Variants in SP140 observed in about 807,000 individuals in gnomAD.
SP140 encodes the protein SP140 nuclear body protein.
Under a neutral mutation model 125.0 loss-of-function variants are expected in SP140, and 81 were observed. That is an observed-to-expected ratio of 0.65 (90% CI 0.54 to 0.78). The LOEUF is 0.78. Among genes scored for constraint, SP140 ranks in the 30% least tolerant of loss-of-function variants. The probability of loss-of-function intolerance (pLI) is 0.00; values close to 1 mark genes in which losing one functional copy is unlikely to be tolerated. For missense variants in SP140, 858 were observed against 1,037.0 expected, an observed-to-expected ratio of 0.83 and a Z score of 2.37; for synonymous variants, 312 against 354.0, an observed-to-expected ratio of 0.88 and a Z score of 1.33.
chr2:230,217,727 C>G (rs2045377591), intron 3 of SP140, among the ~76,000 whole-genome samples: 1 of 152,176 alleles, frequency 6.6e-6, no homozygotes, highest in African/African-American at 2.4e-5. Flanking sequence ...TCCAGGCTTA[C>G]AGTGCTAACT....
intron 18 of SP140, among the ~76,000 whole-genome samples, chr2:230,289,881 G>A (rs1031097918): frequency 6.6e-6 from 1 of 152,094 alleles, no homozygotes; most frequent in African/African-American, 2.4e-5. Flanking sequence ...TCCCCCACCT[G>A]CAACCCCATA....
chr2:230,199,299 C>T (rs2043026394), upstream of SP140, among the ~76,000 whole-genome samples: 1 of 145,242 alleles, frequency 6.9e-6, no homozygotes, highest in East Asian at 2.1e-4. Flanking sequence ...ACCTCTGCCT[C>T]CTGGGTTCAA....
At chr2:230,272,519 C>T (rs1312018278) in intron 15 of SP140, among the ~76,000 whole-genome samples, 3 of 152,092 alleles carry the variant, frequency 2.0e-5, no homozygotes, top group African/African-American at 7.2e-5. Context: ...GGGGGAGTTT[C>T]CCTGCACAAG....
At chr2:230,212,692 T>A in intron 1 of SP140, 1 of 1,579,854 alleles carries the variant, frequency 6.3e-7, no homozygotes, top group Non-Finnish European at 8.7e-7. Flanking sequence ...GATGCTGGGA[T>A]TGGCGGCAAC....
chr2:230,206,219 G>A (rs1191901378), intron 1 of SP140, among the ~76,000 whole-genome samples: 3 of 152,028 alleles, frequency 2.0e-5, no homozygotes, highest in African/African-American at 2.4e-5. Context: ...GTCTACATAT[G>A]TTATCACCTC....
intron 15 of SP140, among the ~76,000 whole-genome samples, chr2:230,282,804 C>T (rs1165053698): frequency 2.0e-5 from 3 of 152,196 alleles, no homozygotes; most frequent in African/African-American, 7.2e-5. Context: ...GAAGTGTATA[C>T]AATTGTTGGG....
intron 12 of SP140, among the ~76,000 whole-genome samples, chr2:230,263,529 T>C (rs1575091643): frequency 6.6e-6 from 1 of 152,164 alleles, no homozygotes; most frequent in East Asian, 1.9e-4. Flanking sequence ...TTTGTTTTTA[T>C]TTTTTAACTT....
chr2:230,278,969 A>G (rs887544590), intron 15 of SP140, among the ~76,000 whole-genome samples: 1 of 152,162 alleles, frequency 6.6e-6, no homozygotes, highest in African/African-American at 2.4e-5. Flanking sequence ...AACTGTTGGA[A>G]CTAACAAATG....
At chr2:230,216,718 A>G (rs2045220813) in intron 3 of SP140, 1 of 1,597,968 alleles carries the variant, frequency 6.3e-7, no homozygotes, top group Non-Finnish European at 8.6e-7. Flanking sequence ...GTGGTTTGAG[A>G]CTTTAATAAT....
At chr2:230,274,043 TA>T (rs1300546254) in intron 15 of SP140, among the ~76,000 whole-genome samples, 3 of 151,324 alleles carry the variant, frequency 2.0e-5, no homozygotes, top group African/African-American at 7.3e-5. Context: ...ATAATCTGTA[TA>T]ACAAACACCC....
intron 22 of SP140, among the ~76,000 whole-genome samples, chr2:230,306,458 G>A (rs2058771307): frequency 6.6e-6 from 1 of 152,250 alleles, no homozygotes; most frequent in Non-Finnish European, 1.5e-5. Context: ...TCCCAAATTG[G>A]CAGGGCAGGA....
upstream of SP140, among the ~76,000 whole-genome samples, chr2:230,198,461 C>CGAGA (rs2042978583): frequency 6.6e-6 from 1 of 152,204 alleles, no homozygotes; most frequent in African/African-American, 2.4e-5. Context: ...TCCTCTTTCT[C>CGAGA]TGGTCTCCCT....
Position 230,310,024 on chromosome 2 carries a change from C to T in SP140, c.2159C>T (p.Pro720Leu), listed in dbSNP as rs2059186182. The T allele has an allele frequency of 1.2e-6, 2 of 1,614,158 alleles. No homozygotes were observed. Among genetic ancestry groups the T allele is most frequent in the Non-Finnish European group, 1.7e-6 (2 of 1,180,012 alleles). ...RVFHEDCHIP[P>L]VEAERTPWNC... ...TTCCATGAGGACTGTCACATCCCGCCTGTGGAAGCTGAGAGGTAAGTGACA... is the reference window on the plus strand; with the variant it reads ...TTCCATGAGGACTGTCACATCCCGCTTGTGGAAGCTGAGAGGTAAGTGACA... The change falls in exon 23 of 27, where the codon CCT (proline) becomes CTT (leucine). Residue 720 changes from proline to leucine, a missense_variant. Coordinates refer to ENST00000392045, the MANE Select transcript of SP140 (RefSeq NM_007237.5).
chr2:230,287,991 T>C (rs1305996225), intron 18 of SP140, 25 bp downstream of exon 18: 4 of 1,573,632 alleles, frequency 2.5e-6, no homozygotes, highest in Non-Finnish European at 2.6e-6. Context: ...AGGAATGAAC[T>C]TTCAATAACT....
At chr2:230,259,947 G>C (rs1490044637) in intron 12 of SP140, among the ~76,000 whole-genome samples, 2 of 151,824 alleles carry the variant, frequency 1.3e-5, no homozygotes, top group East Asian at 1.9e-4. Context: ...TTTTCCTCTG[G>C]ATAGATACCC....
At chr2:230,294,105 A>G (rs767451278) in intron 20 of SP140, among the ~76,000 whole-genome samples, 166 bp from the exon 21 acceptor site, 32 of 152,370 alleles carry the variant, frequency 2.1e-4, no homozygotes, top group Middle Eastern at 3.4e-3. Flanking sequence ...ATTGAAGTCT[A>G]GAAGAAGCAC....
intron 1 of SP140, among the ~76,000 whole-genome samples, chr2:230,209,000 A>G (rs1234687748): frequency 6.6e-6 from 1 of 152,248 alleles, no homozygotes; most frequent in Non-Finnish European, 1.5e-5. Flanking sequence ...CTGGTGATCC[A>G]AATGAGGTTG....
the SP140 span, among the ~76,000 whole-genome samples, chr2:230,189,677 C>T: frequency 6.6e-6 from 1 of 152,162 alleles, no homozygotes; most frequent in South Asian, 2.1e-4. Flanking sequence ...GACCCATCCT[C>T]TAAGTTCCCT....
At chr2:230,310,132 A>T in intron 23 of SP140, 93 bp downstream of exon 23, 1 of 1,232,494 alleles carries the variant, frequency 8.1e-7, no homozygotes, top group Middle Eastern at 1.9e-4. Flanking sequence ...TTGTGTCTAG[A>T]TGGGGAAAGA....
Sources: gnomAD v4.1 joint callset for allele counts (sites outside exome capture counted in the v4.1 genomes callset) on GRCh38, gnomAD v4.1.1 for gene constraint, MANE v1.5 for transcripts, NCBI Gene and HGNC (gene_info 2026-07-23, HGNC 2026-07-21) for gene names.